RAB38: variants seen among roughly 807,000 people sequenced by gnomAD.
The protein encoded by RAB38 is ras-related protein Rab-38.
In RAB38, 15 loss-of-function variants were observed where a neutral mutation model predicts 18.4. The ratio of observed to expected loss-of-function variants is 0.82; its 90% confidence interval spans 0.55 to 1.26. The LOEUF is 1.26. Among genes scored for constraint, RAB38 ranks in the 50% most tolerant of loss-of-function variants. The pLI is 0.00. For missense variants in RAB38, 294 were observed against 267.4 expected (o/e 1.10, Z -0.69); for synonymous variants, 101 against 104.4 (o/e 0.97, Z 0.20).
intron 2 of RAB38, among the ~76,000 whole-genome samples, chr11:88,143,771 C>G (rs180859016): frequency 5.3e-5 from 8 of 152,204 alleles, no homozygotes; most frequent in Non-Finnish European, 1.5e-5. Context: ...ATGACATATG[C>G]AACACCCTGC....
the RAB38 span, among the ~76,000 whole-genome samples, chr11:87,952,863 A>G: frequency 6.6e-6 from 1 of 152,290 alleles, no homozygotes; most frequent in South Asian, 2.1e-4. Context: ...TATAAAAAGG[A>G]AAACTATCAA....
intron 2 of RAB38, among the ~76,000 whole-genome samples, chr11:88,121,786 T>A (rs1278399976): frequency 6.6e-6 from 1 of 151,856 alleles, no homozygotes. Context: ...ATGCTCTCGA[T>A]CTCCTGACCT....
At chr11:87,897,857 C>T in the RAB38 span, among the ~76,000 whole-genome samples, 8 of 151,644 alleles carry the variant, frequency 5.3e-5, no homozygotes, top group African/African-American at 1.4e-4. Context: ...CCAGAACACT[C>T]GAATTGAGCT....
chr11:88,110,172 G>A (rs369278238), downstream of RAB38, among the ~76,000 whole-genome samples: 3 of 152,116 alleles, frequency 2.0e-5, no homozygotes, highest in African/African-American at 4.8e-5. Flanking sequence ...TATATACCAC[G>A]GAATACAATG....
the RAB38 span, among the ~76,000 whole-genome samples, chr11:88,088,438 A>C: frequency 6.6e-6 from 1 of 151,892 alleles, no homozygotes; most frequent in Non-Finnish European, 1.5e-5. Flanking sequence ...ACAATACCTG[A>C]TAAGGGCCAT....
chr11:87,933,616 G>A, the RAB38 span, among the ~76,000 whole-genome samples: 1 of 151,772 alleles, frequency 6.6e-6, no homozygotes, highest in African/African-American at 2.4e-5. Context: ...AAGTAGCTCT[G>A]AGGAAACAGC....
the RAB38 span, among the ~76,000 whole-genome samples, chr11:88,084,880 G>A: frequency 1.3e-5 from 2 of 151,876 alleles, no homozygotes; most frequent in African/African-American, 2.4e-5. Flanking sequence ...TAAAGTATTA[G>A]ATGAATAAGC....
the RAB38 span, among the ~76,000 whole-genome samples, chr11:87,949,430 A>G: frequency 1.8e-4 from 27 of 152,110 alleles, no homozygotes; most frequent in Admixed American, 7.9e-4. Context: ...GCCTTCTGCT[A>G]GTTTTTGAAT....
Position 88,113,684 on chromosome 11 carries a change from C to G in RAB38, c.*304G>C, listed in dbSNP as rs1212023126. ...TCCCCTTTTATTTTAAGACTTGAGG[C>G]CTTTGCTGATTAAAAGAAGCAAATA... is the stretch of plus-strand genomic sequence containing the variant. On this transcript the variant is annotated 3_prime_UTR_variant, in exon 3 of 3. Transcript: ENST00000243662. The G allele has an allele frequency of 1.4e-5, 4 of 275,888 alleles. No individual in the cohort carries two copies. Among genetic ancestry groups the G allele is most frequent in the Non-Finnish European group, 2.8e-5 (4 of 142,540 alleles). The allele number at this position is 275,888 out of a possible 1,614,324, so 17.1% of individuals were successfully genotyped here.
the RAB38 span, among the ~76,000 whole-genome samples, chr11:88,012,265 G>T: frequency 6.6e-6 from 1 of 152,158 alleles, no homozygotes; most frequent in Non-Finnish European, 1.5e-5. Flanking sequence ...GGTAAAGACA[G>T]AGTCACTGTA....
chr11:87,972,963 G>A, the RAB38 span, among the ~76,000 whole-genome samples: 4 of 151,760 alleles, frequency 2.6e-5, no homozygotes, highest in Non-Finnish European at 5.9e-5. Context: ...AAAGTGTGTA[G>A]CACCTCCCCC....
chr11:88,067,750 GT>G, the RAB38 span, among the ~76,000 whole-genome samples: 1 of 151,960 alleles, frequency 6.6e-6, no homozygotes, highest in African/African-American at 2.4e-5. Context: ...ACAACACAGG[GT>G]GTGGGTGGCA....
the RAB38 span, among the ~76,000 whole-genome samples, chr11:88,056,428 AT>A: frequency 2.2e-4 from 33 of 152,064 alleles, no homozygotes; most frequent in Non-Finnish European, 4.4e-5. Flanking sequence ...CAAAATGAGG[AT>A]TGTCAGGGAA....
At chr11:87,875,564 G>A in the RAB38 span, among the ~76,000 whole-genome samples, 4 of 151,388 alleles carry the variant, frequency 2.6e-5, no homozygotes, top group African/African-American at 4.8e-5. Context: ...GTCAATTGGG[G>A]ATAATTTATA....
At chr11:87,963,160 T>C in the RAB38 span, among the ~76,000 whole-genome samples, 1 of 152,166 alleles carries the variant, frequency 6.6e-6, no homozygotes. Flanking sequence ...GTATATTAAT[T>C]CTCTGAATTT....
At chr11:88,145,599 C>T (rs1413139582) in intron 2 of RAB38, among the ~76,000 whole-genome samples, 1 of 151,300 alleles carries the variant, frequency 6.6e-6, no homozygotes, top group East Asian at 2.0e-4. Context: ...CCCAGTCAGC[C>T]TCTCAAATGG....
the RAB38 span, among the ~76,000 whole-genome samples, chr11:87,942,398 T>C: frequency 6.6e-6 from 1 of 152,210 alleles, no homozygotes; most frequent in Admixed American, 6.5e-5. Flanking sequence ...CCCTGATGAA[T>C]TCTAGGGTAA....
At chr11:87,943,870 G>C in the RAB38 span, among the ~76,000 whole-genome samples, 1 of 152,100 alleles carries the variant, frequency 6.6e-6, no homozygotes, top group East Asian at 1.9e-4. Flanking sequence ...TCACAAAGTT[G>C]AGTATGCAAA....
the RAB38 span, among the ~76,000 whole-genome samples, chr11:87,930,494 A>T: frequency 6.6e-6 from 1 of 151,684 alleles, no homozygotes; most frequent in African/African-American, 2.4e-5. Flanking sequence ...GATTGCAAAA[A>T]TTTTCTCCCA....
Sources: gnomAD v4.1 joint callset for allele counts (sites outside exome capture counted in the v4.1 genomes callset) on GRCh38, gnomAD v4.1.1 for gene constraint, MANE v1.5 for transcripts, NCBI Gene and HGNC (gene_info 2026-07-23, HGNC 2026-07-21) for gene names.